NLGN1: variants seen among roughly 807,000 people sequenced by gnomAD.
NLGN1 encodes neuroligin-1.
Under a neutral mutation model 65.5 loss-of-function variants are expected in NLGN1, and 12 were observed. That is an observed-to-expected ratio of 0.18 (90% confidence interval 0.12 to 0.30). NLGN1 has a LOEUF of 0.30. Among genes scored for constraint, NLGN1 ranks in the 10% least tolerant of loss-of-function variants. NLGN1 has a pLI of 1.00. For synonymous variants in NLGN1, 350 were observed against 359.5 expected (o/e 0.97, Z 0.30); for missense variants, 750 against 1,007.1 (o/e 0.74, Z 3.46).
intron 2 of NLGN1, among the ~76,000 whole-genome samples, chr3:173,475,041 C>G (rs1453262234): frequency 6.6e-6 from 1 of 152,092 alleles, no homozygotes; most frequent in Non-Finnish European, 1.5e-5. Flanking sequence ...TTTATGCAAT[C>G]TAAAAATAGT....
At chr3:173,845,121 T>C (rs1438098998) in intron 4 of NLGN1, among the ~76,000 whole-genome samples, 1 of 152,222 alleles carries the variant, frequency 6.6e-6, no homozygotes, top group Non-Finnish European at 1.5e-5. Context: ...TTTCATCTTG[T>C]TAGTTCTGTG....
chr3:173,867,087 T>C (rs550906973), intron 4 of NLGN1, among the ~76,000 whole-genome samples: 22 of 152,264 alleles, frequency 1.4e-4, no homozygotes, highest in African/African-American at 4.8e-4. Context: ...TAGCAGCACA[T>C]TAAGGATAAT....
chr3:173,906,280 T>G (rs1738370924), intron 4 of NLGN1, among the ~76,000 whole-genome samples: 1 of 152,194 alleles, frequency 6.6e-6, no homozygotes, highest in Admixed American at 6.5e-5. Context: ...TTTTCCATCC[T>G]TTCTCCTCCC....
At chr3:174,033,456 G>T (rs6445134) in intron 4 of NLGN1, among the ~76,000 whole-genome samples, 1 of 151,798 alleles carries the variant, frequency 6.6e-6, no homozygotes, top group Non-Finnish European at 1.5e-5. Flanking sequence ...AAGAAAAGAG[G>T]TAAAGCAATC....
At chr3:173,721,714 A>G (rs1770860858) in intron 3 of NLGN1, among the ~76,000 whole-genome samples, 1 of 152,198 alleles carries the variant, frequency 6.6e-6, no homozygotes, top group Non-Finnish European at 1.5e-5. Context: ...GTTTTAAAAG[A>G]AAGAAATTTT....
At chr3:173,842,074 A>T (rs540920436) in intron 4 of NLGN1, among the ~76,000 whole-genome samples, 1 of 152,202 alleles carries the variant, frequency 6.6e-6, no homozygotes, top group South Asian at 2.1e-4. Context: ...AGCAGAAAGC[A>T]AGGAGGAGCA....
chr3:174,031,754 G>A (rs542158078), intron 4 of NLGN1, among the ~76,000 whole-genome samples: 5 of 151,776 alleles, frequency 3.3e-5, no homozygotes, highest in Non-Finnish European at 7.4e-5. Flanking sequence ...ATGTAGAGGA[G>A]GAAATATCAA....
chr3:173,448,071 T>A (rs933585356), intron 2 of NLGN1, among the ~76,000 whole-genome samples: 15 of 152,314 alleles, frequency 9.8e-5, no homozygotes, highest in Admixed American at 2.6e-4. Context: ...CCTGCCTGAT[T>A]GCCCTGGCCA....
intron 4 of NLGN1, among the ~76,000 whole-genome samples, chr3:173,944,155 G>GTGTGTGTGTGTGTT (rs1746724694): frequency 6.6e-6 from 1 of 151,648 alleles, no homozygotes; most frequent in African/African-American, 2.4e-5. Flanking sequence ...GTGTGTGTGT[G>GTGTGTGTGTGTGTT]TGTGTGTTTT....
chr3:174,105,544 AAAAC>A (rs1302612873), intron 4 of NLGN1, among the ~76,000 whole-genome samples: 1 of 152,078 alleles, frequency 6.6e-6, no homozygotes, highest in African/African-American at 2.4e-5. Flanking sequence ...ACCCTTTCTC[AAAAC>A]AAACAAACAA....
chr3:173,577,010 G>A (rs751656476), intron 2 of NLGN1, among the ~76,000 whole-genome samples: 8 of 152,098 alleles, frequency 5.3e-5, no homozygotes, highest in South Asian at 2.1e-4. Flanking sequence ...TGACCTCAAC[G>A]TGATCTTAGT....
intron 2 of NLGN1, among the ~76,000 whole-genome samples, chr3:173,531,644 C>T (rs1357630083): frequency 6.6e-6 from 1 of 151,342 alleles, no homozygotes; most frequent in East Asian, 1.9e-4. Context: ...TTTATTCCAG[C>T]TAAACTTTCA....
chr3:174,178,582 G>A (rs1484292246), intron 4 of NLGN1, among the ~76,000 whole-genome samples: 1 of 152,050 alleles, frequency 6.6e-6, no homozygotes, highest in Admixed American at 6.6e-5. Flanking sequence ...TAAGTGCAAC[G>A]ACATAAAAAT....
chr3:173,993,895 TAC>T (rs1246107582), intron 4 of NLGN1, among the ~76,000 whole-genome samples: 1 of 151,912 alleles, frequency 6.6e-6, no homozygotes, highest in Non-Finnish European at 1.5e-5. Flanking sequence ...TATATACATA[TAC>T]ACACACATAT....
At position 173,641,548 on chromosome 3, in the gene NLGN1, C is replaced by G. The variant is rs113221856; in HGVS notation, c.493+36457C>G. Among the ~76,000 whole-genome samples, 1,008 of 152,278 alleles carry G rather than the reference C, an allele frequency of 6.6e-3. 18 individuals are homozygous for G. Among genetic ancestry groups the G allele is most frequent in the African/African-American group, 0.023 (967 of 41,542 alleles). ...TCAGGTGATCCACCCACCTAAGCCT[C>G]CCAAAGTGCTGGAATTATAGGCATG... On this transcript the variant is annotated intron_variant, in intron 3 of 6. Transcript: ENST00000457714.
chr3:173,516,392 C>A (rs184142431), intron 2 of NLGN1, among the ~76,000 whole-genome samples: 1 of 152,094 alleles, frequency 6.6e-6, no homozygotes, highest in East Asian at 1.9e-4. Flanking sequence ...AGAGATTTAT[C>A]AAATTCCAGG....
intron 2 of NLGN1, among the ~76,000 whole-genome samples, chr3:173,522,350 C>T (rs1165802368): frequency 6.6e-6 from 1 of 152,190 alleles, no homozygotes; most frequent in East Asian, 1.9e-4. Flanking sequence ...TTATCCAGTC[C>T]ACCACTGATG....
intron 4 of NLGN1, among the ~76,000 whole-genome samples, chr3:174,169,350 G>A (rs950277051): frequency 2.0e-5 from 3 of 152,058 alleles, no homozygotes; most frequent in Admixed American, 6.6e-5. Flanking sequence ...GAAGGGTGTC[G>A]CAACCCAGGC....
intron 4 of NLGN1, among the ~76,000 whole-genome samples, chr3:174,053,517 C>G (rs1438234218): frequency 6.6e-6 from 1 of 151,914 alleles, no homozygotes; most frequent in Non-Finnish European, 1.5e-5. Context: ...GAAACTGTTA[C>G]AAATAAACAT....
Sources: gnomAD v4.1 joint callset for allele counts (sites outside exome capture counted in the v4.1 genomes callset) on GRCh38, gnomAD v4.1.1 for gene constraint, MANE v1.5 for transcripts, NCBI Gene and HGNC (gene_info 2026-07-23, HGNC 2026-07-21) for gene names.